Variants in TMEM217B observed in about 807,000 individuals in gnomAD.
TMEM217B encodes transmembrane protein 217B.
At chr6:37,212,844 C>A in the TMEM217B span, 1 of 1,199,770 alleles carries the variant, frequency 8.3e-7, no homozygotes, top group Non-Finnish European at 1.2e-6. Context: ...ACTTTGAGTC[C>A]ACGTAGATGC....
chr6:37,242,377 C>T, the TMEM217B span, among the ~76,000 whole-genome samples: 1 of 152,230 alleles, frequency 6.6e-6, no homozygotes, highest in Non-Finnish European at 1.5e-5. Flanking sequence ...TATTCACCCT[C>T]AACTTTTCAA....
the TMEM217B span, among the ~76,000 whole-genome samples, chr6:37,220,925 CATATATAATACACAGAT>C: frequency 3.9e-5 from 6 of 152,012 alleles, no homozygotes; most frequent in East Asian, 1.2e-3. Context: ...ATAATTCATG[CATATATAATACACAGAT>C]ATATATAATA....
the TMEM217B span, among the ~76,000 whole-genome samples, chr6:37,229,200 T>C: frequency 2.0e-5 from 3 of 150,388 alleles, no homozygotes; most frequent in Non-Finnish European, 2.9e-5. Flanking sequence ...GATAAAGATT[T>C]TTACCTGTCA....
At chr6:37,257,718 G>C in the TMEM217B span, 1 of 574,550 alleles carries the variant, frequency 1.7e-6, no homozygotes, top group Non-Finnish European at 3.0e-6. Flanking sequence ...TGGTCGGCCC[G>C]TCCACGGCTT....
the TMEM217B span, among the ~76,000 whole-genome samples, chr6:37,238,869 G>A: frequency 3.3e-5 from 5 of 152,312 alleles, no homozygotes; most frequent in East Asian, 7.7e-4. Flanking sequence ...GGTGGCTCAC[G>A]CCTGTAATCC....
chr6:37,239,674 C>T, the TMEM217B span, among the ~76,000 whole-genome samples: 1 of 152,060 alleles, frequency 6.6e-6, no homozygotes, highest in African/African-American at 2.4e-5. Context: ...ATCAAGTTGA[C>T]TTGTGATCTC....
the TMEM217B span, chr6:37,212,647 T>C: frequency 3.6e-6 from 2 of 549,270 alleles, no homozygotes; most frequent in Admixed American, 4.4e-5. Context: ...GATGATCCCG[T>C]TGAGGAGCAG....
At chr6:37,220,090 G>C in the TMEM217B span, among the ~76,000 whole-genome samples, 1 of 152,184 alleles carries the variant, frequency 6.6e-6, no homozygotes, top group Non-Finnish European at 1.5e-5. Flanking sequence ...ACAAAAGTAG[G>C]AGGAAGAAAA....
the TMEM217B span, among the ~76,000 whole-genome samples, chr6:37,229,429 G>A: frequency 2.1e-4 from 28 of 132,268 alleles, no homozygotes; most frequent in Non-Finnish European, 3.7e-4. Context: ...TGCAAGCTCC[G>A]CCTCCCGGGT....
At chr6:37,215,809 C>G in the TMEM217B span, among the ~76,000 whole-genome samples, 14 of 152,056 alleles carry the variant, frequency 9.2e-5, no homozygotes, top group South Asian at 4.1e-4. Flanking sequence ...TCACCCCCAG[C>G]AAAGGAGACA....
chr6:37,222,826 G>C, the TMEM217B span, among the ~76,000 whole-genome samples: 1 of 152,220 alleles, frequency 6.6e-6, no homozygotes, highest in Non-Finnish European at 1.5e-5. Context: ...AAGGGGCCGG[G>C]CTTCCACCGG....
chr6:37,218,491 T>A, the TMEM217B span: 1 of 1,614,064 alleles, frequency 6.2e-7, no homozygotes, highest in South Asian at 1.1e-5. Context: ...TTGATAATCT[T>A]TTATTTCTGC....
the TMEM217B span, among the ~76,000 whole-genome samples, chr6:37,230,134 T>A: frequency 6.6e-6 from 1 of 152,228 alleles, no homozygotes; most frequent in Non-Finnish European, 1.5e-5. Flanking sequence ...CCAGCAGTGG[T>A]ACATCAAGTC....
At chr6:37,229,335 G>GTTTTTTTTTTTTTTTT in the TMEM217B span, among the ~76,000 whole-genome samples, 6 of 74,368 alleles carry the variant, frequency 8.1e-5, 1 homozygote, top group Non-Finnish European at 9.3e-5. Flanking sequence ...GCAACTTTCA[G>GTTTTTTTTTTTTTTTT]TTTTTTTTTT....
chr6:37,242,377 C>G, the TMEM217B span, among the ~76,000 whole-genome samples: 1 of 152,230 alleles, frequency 6.6e-6, no homozygotes, highest in Non-Finnish European at 1.5e-5. Flanking sequence ...TATTCACCCT[C>G]AACTTTTCAA....
At chr6:37,244,507 A>G in the TMEM217B span, among the ~76,000 whole-genome samples, 1 of 152,232 alleles carries the variant, frequency 6.6e-6, no homozygotes, top group Non-Finnish European at 1.5e-5. Context: ...GTCTACCTCA[A>G]CTTCTCCCTT....
At chr6:37,222,680 C>T in the TMEM217B span, among the ~76,000 whole-genome samples, 2 of 152,240 alleles carry the variant, frequency 1.3e-5, no homozygotes, top group Non-Finnish European at 2.9e-5. Context: ...GGCTTCGATG[C>T]ACAGCCACAG....
chr6:37,239,845 A>G, the TMEM217B span, among the ~76,000 whole-genome samples: 1 of 151,810 alleles, frequency 6.6e-6, no homozygotes, highest in Non-Finnish European at 1.5e-5. Flanking sequence ...ACTTAAGCCC[A>G]GGGGTTTCAG....
chr6:37,247,026 A>T, the TMEM217B span, among the ~76,000 whole-genome samples: 2 of 152,218 alleles, frequency 1.3e-5, no homozygotes, highest in Admixed American at 6.5e-5. Context: ...TTTAATAGAT[A>T]TGTGACTAGA....
Sources: gnomAD v4.1 joint callset for allele counts (sites outside exome capture counted in the v4.1 genomes callset) on GRCh38, gnomAD v4.1.1 for gene constraint, MANE v1.5 for transcripts, NCBI Gene and HGNC (gene_info 2026-07-23, HGNC 2026-07-21) for gene names.